The following PTPRG variants were observed in gnomAD, a reference collection of about 807,000 sequenced individuals.
PTPRG encodes the protein receptor-type tyrosine-protein phosphatase gamma.
In PTPRG, 102 loss-of-function variants were observed where a neutral mutation model predicts 165.3. The observed-to-expected ratio is 0.62, with a 90% CI of 0.53 to 0.73. The LOEUF is 0.73. Ranked by LOEUF, PTPRG falls within the 30% of genes least tolerant of loss-of-function variation. The pLI, the probability that PTPRG is intolerant of heterozygous loss-of-function variation, is 0.00. For synonymous variants in PTPRG, 675 were observed against 669.5 expected (o/e 1.01, Z -0.13); for missense variants, 1,866 against 1,861.4 (o/e 1.00, Z -0.05).
chr3:61,806,422 T>A (rs1266771502), intron 2 of PTPRG, among the ~76,000 whole-genome samples: 1 of 152,232 alleles, frequency 6.6e-6, no homozygotes, highest in Non-Finnish European at 1.5e-5. Flanking sequence ...CATTTCACCA[T>A]CATCCTTATC....
rs1702083204 is a variant in PTPRG at position 62,271,986 on chromosome 3, A to G, written c.3182+431A>G. Among the ~76,000 whole-genome samples, 1 of 152,006 alleles carries G rather than the reference A, an allele frequency of 6.6e-6. No individual in the cohort carries two copies. Among genetic ancestry groups the G allele is most frequent in the African/African-American group, 2.4e-5 (1 of 41,418 alleles). The stretch of plus-strand genomic sequence containing the variant: ...GGCACATGCCTGTGGTCCCAGCTAC[A>G]TGGGAGGCTGAGACAGAAGGATCCC... On this transcript the variant is annotated intron_variant, in intron 21 of 29. Coordinates refer to ENST00000474889, the MANE Select transcript of PTPRG (RefSeq NM_002841.4). This position sits in a 1 kb window ranked among gnomAD's most constrained non-coding sequence, Gnocchi z 4.1.
At chr3:62,074,352 C>CTTTCTTTCTTTTTT (rs1701310935) in intron 4 of PTPRG, among the ~76,000 whole-genome samples, 7 of 109,110 alleles carry the variant, frequency 6.4e-5, no homozygotes, top group African/African-American at 2.7e-4. Flanking sequence ...TCTTTTCTTT[C>CTTTCTTTCTTTTTT]TTTTTTTTTT....
At chr3:62,287,591 T>TAACA (rs1465064059) in intron 28 of PTPRG, among the ~76,000 whole-genome samples, 1 of 152,156 alleles carries the variant, frequency 6.6e-6, no homozygotes, top group Non-Finnish European at 1.5e-5. Flanking sequence ...ACAGAAGTTC[T>TAACA]AACATATGTC....
At chr3:62,131,737 A>T (rs1263086328) in intron 5 of PTPRG, among the ~76,000 whole-genome samples, 5 of 152,168 alleles carry the variant, frequency 3.3e-5, no homozygotes, top group Admixed American at 1.3e-4. Context: ...TCCTATACCC[A>T]CCACCCAAGG....
chr3:62,081,245 A>G (rs1291218890), intron 5 of PTPRG, among the ~76,000 whole-genome samples: 1 of 140,252 alleles, frequency 7.1e-6, no homozygotes, highest in African/African-American at 2.8e-5. Context: ...CGACAGAGTG[A>G]GACTCCGTCT....
In PTPRG at chr3:62,240,944, G is replaced by C. The variant is rs1701145987; in HGVS notation, c.2376-2863G>C. On this transcript the variant is annotated intron_variant, in intron 14 of 29. Coordinates refer to ENST00000474889, the MANE Select transcript of PTPRG (RefSeq NM_002841.4). The surrounding 1 kb of genome is among the most constrained non-coding windows in gnomAD (Gnocchi z 5.1). ...TTCCCCATGAAGACATAAATACTAG[G>C]AGAGTAGGTGCCTTGTGTGTCTTGT... Among the ~76,000 whole-genome samples the C allele has an allele frequency of 6.6e-6, 1 of 152,108 alleles. No individual in the cohort carries two copies. The highest frequency in any genetic ancestry group is 1.5e-5 in the Non-Finnish European group (1 of 68,030).
At chr3:61,897,825 T>C (rs537935656) in intron 2 of PTPRG, among the ~76,000 whole-genome samples, 2 of 152,322 alleles carry the variant, frequency 1.3e-5, no homozygotes, top group East Asian at 3.9e-4. Context: ...TAGAGTACAG[T>C]TATAAATGGT....
Position 62,270,188 on chromosome 3 carries a change from A to T in PTPRG, c.3009+1019A>T, listed in dbSNP as rs906948046. Among the ~76,000 whole-genome samples, 15 of 147,186 alleles carry T rather than the reference A, an allele frequency of 1.0e-4. No individual in the cohort carries two copies. In the South Asian group the frequency reaches 1.3e-3, roughly 13 times the overall value. On this transcript the variant is annotated intron_variant, in intron 20 of 29. Coordinates refer to ENST00000474889, the MANE Select transcript of PTPRG (RefSeq NM_002841.4). ...GGCAGTTGTTTGCAGCAATGGGATA[A>T]TTTTTTTTTTTTCTTGGTGTCTTGG...
intron 3 of PTPRG, among the ~76,000 whole-genome samples, chr3:61,994,564 T>C (rs973994546): frequency 1.3e-5 from 2 of 152,180 alleles, no homozygotes; most frequent in Non-Finnish European, 2.9e-5. Flanking sequence ...GATGGGGAAG[T>C]CAAGAGTCAT....
chr3:61,769,727 G>C (rs2034148673), intron 2 of PTPRG: 1 of 152,104 alleles, frequency 6.6e-6, no homozygotes, highest in Non-Finnish European at 1.5e-5. Flanking sequence ...AATTTTAAGA[G>C]AGAAGAGGAA....
At chr3:61,566,756 C>T (rs1030297551) in intron 1 of PTPRG, among the ~76,000 whole-genome samples, 4 of 152,218 alleles carry the variant, frequency 2.6e-5, no homozygotes, top group African/African-American at 7.2e-5. Context: ...CTCTGCCCAC[C>T]TCGGCCTCCC....
At chr3:61,894,301 C>CAAAAA (rs767479285) in intron 2 of PTPRG, among the ~76,000 whole-genome samples, 506 of 49,840 alleles carry the variant, frequency 0.01, 69 homozygotes, top group Middle Eastern at 0.024. Context: ...GACTCTGTGT[C>CAAAAA]AAAAAAAAAA....
At chr3:61,788,027 C>T (rs899558615) in intron 2 of PTPRG, among the ~76,000 whole-genome samples, 1 of 152,082 alleles carries the variant, frequency 6.6e-6, no homozygotes, top group African/African-American at 2.4e-5. Context: ...AAAATGTTCC[C>T]AGTTTGACAG....
intron 2 of PTPRG, among the ~76,000 whole-genome samples, chr3:61,916,276 T>C (rs2038933626): frequency 6.6e-6 from 1 of 152,198 alleles, no homozygotes; most frequent in Admixed American, 6.5e-5. Flanking sequence ...TGTGTGTGTA[T>C]AGAGCTACAC....
At chr3:61,677,234 G>A (rs1177773723) in intron 1 of PTPRG, among the ~76,000 whole-genome samples, 1 of 132,128 alleles carries the variant, frequency 7.6e-6, no homozygotes, top group Non-Finnish European at 1.5e-5. Flanking sequence ...GACAGAGCGA[G>A]ACTCCGTCTC....
At chr3:61,742,150 T>C (rs2033015928) in intron 1 of PTPRG, among the ~76,000 whole-genome samples, 1 of 152,248 alleles carries the variant, frequency 6.6e-6, no homozygotes, top group Non-Finnish European at 1.5e-5. Flanking sequence ...AGTCTTTTTT[T>C]CCCCGGAAGT....
In PTPRG at chr3:62,070,876, C is replaced by T. The variant is rs181382746; in HGVS notation, c.520-7287C>T. ...AAGCTTGATTAGAAAAATACGTTTC[C>T]CAGGTTTGTCAAAGTAACCTGCACA... On this transcript the variant is annotated intron_variant, in intron 4 of 29. Coordinates refer to ENST00000474889, the MANE Select transcript of PTPRG (RefSeq NM_002841.4). 4.1e-4 allele frequency among the ~76,000 whole-genome samples: 62 copies of T among 151,906 alleles called. No homozygotes were observed. The East Asian group carries it at 0.011, about 26-fold the overall frequency.
chr3:62,109,842 G>A (rs1430001204), intron 5 of PTPRG, among the ~76,000 whole-genome samples: 1 of 152,176 alleles, frequency 6.6e-6, no homozygotes, highest in Non-Finnish European at 1.5e-5. Context: ...CCACAACCCA[G>A]TGAGTCACTC....
intron 1 of PTPRG, among the ~76,000 whole-genome samples, chr3:61,669,340 A>G (rs1305683815): frequency 6.6e-5 from 10 of 151,928 alleles, no homozygotes; most frequent in African/African-American, 2.4e-4. Context: ...GACTGACTCC[A>G]AATACTGTAA....
Sources: gnomAD v4.1 joint callset for allele counts (sites outside exome capture counted in the v4.1 genomes callset) on GRCh38, gnomAD v4.1.1 for gene constraint, Gnocchi (gnomAD v3.1) non-coding constraint, MANE v1.5 for transcripts, NCBI Gene and HGNC (gene_info 2026-07-23, HGNC 2026-07-21) for gene names.